UNC13B: variants seen among roughly 807,000 people sequenced by gnomAD.
UNC13B encodes the protein unc-13 homolog B.
UNC13B carries 144 observed loss-of-function variants against 211.0 expected under a neutral mutation model. The ratio of observed to expected loss-of-function variants is 0.68; its 90% CI spans 0.60 to 0.78. UNC13B has a LOEUF of 0.78. Ranked by LOEUF, UNC13B falls within the 30% of genes least tolerant of loss-of-function variation. The probability of loss-of-function intolerance (pLI) is 0.00; values close to 1 mark genes in which losing one functional copy is unlikely to be tolerated. For synonymous variants in UNC13B, 709 were observed against 725.8 expected (o/e 0.98, Z 0.37); for missense variants, 1,777 against 2,002.0 (o/e 0.89, Z 2.14).
chr9:35,347,410 G>A (rs2132043662), intron 11 of UNC13B, among the ~76,000 whole-genome samples: 1 of 152,318 alleles, frequency 6.6e-6, no homozygotes, highest in East Asian at 1.9e-4. Flanking sequence ...TCTGTGGACA[G>A]TAGTAGCAAA....
chr9:35,297,561 T>TTTTTTTTTTGTTGTTTTTTTG, intron 8 of UNC13B, among the ~76,000 whole-genome samples: 3 of 128,164 alleles, frequency 2.3e-5, no homozygotes, highest in Non-Finnish European at 5.1e-5. Flanking sequence ...TTTTTTTTTT[T>TTTTTTTTTTGTTGTTTTTTTG]TTTTTTGAGA....
intron 1 of UNC13B, among the ~76,000 whole-genome samples, chr9:35,193,159 A>G (rs1822748778): frequency 6.6e-6 from 1 of 152,186 alleles, no homozygotes; most frequent in Non-Finnish European, 1.5e-5. Context: ...GGGAGAGACT[A>G]TGCGACAGTT....
At chr9:35,272,568 T>A (rs1449974653) in intron 7 of UNC13B, among the ~76,000 whole-genome samples, 3 of 152,204 alleles carry the variant, frequency 2.0e-5, no homozygotes, top group Non-Finnish European at 4.4e-5. Context: ...TGTTTTATTT[T>A]TTCTTTATAC....
intron 1 of UNC13B, among the ~76,000 whole-genome samples, chr9:35,203,249 C>T (rs1823426721): frequency 1.3e-5 from 2 of 152,186 alleles, no homozygotes; most frequent in Non-Finnish European, 2.9e-5. Flanking sequence ...TTCTTCCTAG[C>T]ATCGATGGTC....
intron 6 of UNC13B, among the ~76,000 whole-genome samples, chr9:35,257,530 G>A (rs10972408): frequency 0.15 from 18,811 of 123,472 alleles, 1,586 homozygotes; most frequent in Admixed American, 0.31. Flanking sequence ...GCAGTGAGCC[G>A]AAATAGCTCC....
intron 22 of UNC13B, chr9:35,384,620 G>A (rs903345392): frequency 1.0e-6 from 1 of 985,306 alleles, no homozygotes; most frequent in Non-Finnish European, 1.2e-6. Context: ...ATCTCTTCCA[G>A]GAGTATCCTT....
intron 11 of UNC13B, among the ~76,000 whole-genome samples, chr9:35,324,865 A>G (rs1830924500): frequency 6.6e-6 from 1 of 152,148 alleles, no homozygotes; most frequent in Non-Finnish European, 1.5e-5. Context: ...TTGCTCTCTT[A>G]TCCAGCCCAG....
chr9:35,364,571 G>C, intron 11 of UNC13B: 1 of 1,535,970 alleles, frequency 6.5e-7, no homozygotes, highest in South Asian at 1.2e-5. Context: ...CCTTCAGGTT[G>C]TGCCTATGAC....
intron 1 of UNC13B, among the ~76,000 whole-genome samples, chr9:35,201,213 A>T (rs569061770): frequency 2.4e-4 from 37 of 152,166 alleles, no homozygotes; most frequent in Admixed American, 1.6e-3. Flanking sequence ...ATAAGCTTTT[A>T]GATGTGCTGC....
At chr9:35,214,509 ACT>A (rs1824149829) in intron 1 of UNC13B, among the ~76,000 whole-genome samples, 1 of 152,086 alleles carries the variant, frequency 6.6e-6, no homozygotes, top group South Asian at 2.1e-4. Context: ...AAAAAGAAAA[ACT>A]CAAGGGAAAA....
At chr9:35,235,454 C>T (rs562925066) in intron 3 of UNC13B, among the ~76,000 whole-genome samples, 13 of 151,804 alleles carry the variant, frequency 8.6e-5, no homozygotes, top group Admixed American at 3.9e-4. Flanking sequence ...CGCCCCGCCC[C>T]GGCTTTTTTG....
intron 7 of UNC13B, among the ~76,000 whole-genome samples, chr9:35,263,344 A>G (rs1182945727): frequency 1.0e-4 from 3 of 29,434 alleles, no homozygotes; most frequent in African/African-American, 4.1e-4. Flanking sequence ...GAACTTGGTA[A>G]AAAAAAAAAA....
intron 1 of UNC13B, among the ~76,000 whole-genome samples, chr9:35,207,387 G>T (rs1823717271): frequency 6.6e-6 from 1 of 151,982 alleles, no homozygotes; most frequent in Non-Finnish European, 1.5e-5. Flanking sequence ...AGTCTCCTGA[G>T]TAGCTGGGAC....
Position 35,396,619 on chromosome 9 carries a change from G to T in UNC13B, c.11435+17G>T. The T allele has an allele frequency of 6.2e-7, 1 of 1,613,626 alleles. No individual in the cohort carries two copies. The highest frequency in any genetic ancestry group is 8.5e-7 in the Non-Finnish European group (1 of 1,179,978). ...GTACCCAGCGTGAGTCATCATGTGG[G>T]CACTACAGAGGGAAGGGAGCCCTCT... On this transcript the variant is annotated intron_variant, in intron 27 of 39. Transcript: ENST00000635942.
intron 1 of UNC13B, among the ~76,000 whole-genome samples, chr9:35,218,493 C>T (rs918375285): frequency 1.3e-5 from 2 of 151,794 alleles, no homozygotes; most frequent in African/African-American, 4.8e-5. Flanking sequence ...AGTGCAGTGG[C>T]ATGATCAAGG....
intron 22 of UNC13B, chr9:35,385,039 A>G: frequency 1.0e-6 from 1 of 985,446 alleles, no homozygotes; most frequent in Non-Finnish European, 1.2e-6. Context: ...TGGACAGCTG[A>G]CTGTATATCT....
At chr9:35,288,162 C>T (rs954868944) in intron 7 of UNC13B, among the ~76,000 whole-genome samples, 6 of 152,128 alleles carry the variant, frequency 3.9e-5, no homozygotes, top group Admixed American at 6.5e-5. Flanking sequence ...ATTCTCCTTA[C>T]GAGCCTCCCT....
At chr9:35,375,250 A>G in intron 14 of UNC13B, 49 bp downstream of exon 14, 1 of 1,576,452 alleles carries the variant, frequency 6.3e-7, no homozygotes, top group Non-Finnish European at 8.7e-7. Context: ...AGGACTGGTG[A>G]TCATCTCTGT....
chr9:35,330,271 G>T (rs1831293493), intron 11 of UNC13B, among the ~76,000 whole-genome samples: 1 of 152,240 alleles, frequency 6.6e-6, no homozygotes, highest in African/African-American at 2.4e-5. Context: ...TTCCAGAACT[G>T]TTGGCTTTTA....
Sources: allele counts gnomAD v4.1 joint callset (sites outside exome capture counted in the v4.1 genomes callset), GRCh38; gene constraint gnomAD v4.1.1; transcripts MANE v1.5; gene names NCBI Gene and HGNC (gene_info 2026-07-23, HGNC 2026-07-21).